GALNT17: variants seen among roughly 807,000 people sequenced by gnomAD.
GALNT17 encodes polypeptide N-acetylgalactosaminyltransferase 17.
GALNT17 carries 29 observed loss-of-function variants against 63.7 expected under a neutral mutation model. The observed-to-expected ratio is 0.46, with a 90% CI of 0.34 to 0.62. The LOEUF is 0.62. GALNT17 is among the 20% of genes least tolerant of loss of function. The probability of loss-of-function intolerance (pLI) is 0.01; values close to 1 mark genes in which losing one functional copy is unlikely to be tolerated. For missense variants in GALNT17, 603 were observed against 799.6 expected, an observed-to-expected ratio of 0.75 and a Z score of 2.97; for synonymous variants, 305 against 318.3, an observed-to-expected ratio of 0.96 and a Z score of 0.45.
chr7:71,439,749 A>G (rs1787032076), intron 5 of GALNT17, among the ~76,000 whole-genome samples: 1 of 152,140 alleles, frequency 6.6e-6, no homozygotes, highest in Non-Finnish European at 1.5e-5. Context: ...CTGGACATAA[A>G]TAGGGAAGCA....
At chr7:71,537,899 G>A (rs1419310276) in intron 5 of GALNT17, among the ~76,000 whole-genome samples, 1 of 152,130 alleles carries the variant, frequency 6.6e-6, no homozygotes, top group Non-Finnish European at 1.5e-5. Flanking sequence ...GGCTGGGTTT[G>A]GGATTATGTG....
At chr7:71,379,081 A>G (rs760218908) in intron 2 of GALNT17, among the ~76,000 whole-genome samples, 2 of 152,198 alleles carry the variant, frequency 1.3e-5, no homozygotes, top group African/African-American at 2.4e-5. Flanking sequence ...GAAGAGTGCC[A>G]TGATGGCAGC....
intron 9 of GALNT17, among the ~76,000 whole-genome samples, chr7:71,682,154 C>T (rs1044097749): frequency 2.6e-5 from 4 of 151,926 alleles, no homozygotes; most frequent in African/African-American, 4.8e-5. Context: ...CTCAAACTCC[C>T]GACCTCAGGT....
At chr7:71,633,243 C>T (rs1790482574) in intron 6 of GALNT17, among the ~76,000 whole-genome samples, 1 of 152,054 alleles carries the variant, frequency 6.6e-6, no homozygotes, top group African/African-American at 2.4e-5. Flanking sequence ...CTCGCCATGT[C>T]CCAGGCACAG....
rs911929157 is a variant in GALNT17, at chr7:71,539,224, G to A, written c.963-32061G>A. On this transcript the variant is annotated intron_variant, in intron 5 of 10. Coordinates refer to ENST00000333538, the MANE Select transcript of GALNT17 (RefSeq NM_022479.3). ...TGGCATTACAGGCATGAGCCACACC[G>A]TGCCCAGCCTCAGGATACTCATTGG... Among the ~76,000 whole-genome samples, 9 of 152,224 alleles carry A rather than the reference G, an allele frequency of 5.9e-5. No homozygotes were observed. The South Asian group carries it at 1.9e-3, about 32-fold the overall frequency.
At chr7:71,656,932 C>T (rs914192149) in intron 6 of GALNT17, among the ~76,000 whole-genome samples, 1 of 152,290 alleles carries the variant, frequency 6.6e-6, no homozygotes, top group South Asian at 2.1e-4. Flanking sequence ...GAGCTGCCCC[C>T]TGTTAGTGCC....
intron 5 of GALNT17, among the ~76,000 whole-genome samples, chr7:71,477,975 T>A (rs1156708518): frequency 6.6e-6 from 1 of 152,226 alleles, no homozygotes; most frequent in Non-Finnish European, 1.5e-5. Context: ...TTGTTAAGAA[T>A]CTTATTGATA....
In GALNT17 at chr7:71,223,698, C is replaced by T. The variant is rs541703113; in HGVS notation, c.238+90658C>T. Among the ~76,000 whole-genome samples the T allele has an allele frequency of 3.9e-5, 6 of 152,254 alleles. 1 individual carries two copies. The South Asian group carries it at 8.3e-4, about 21-fold the overall frequency. ...CAATAGTTACCTTGTCTGCTCCTCT[C>T]CTTCCTCCCACCCTCCACCCTCCAT... On this transcript the variant is annotated intron_variant, in intron 1 of 10. Transcript: ENST00000333538.
intron 5 of GALNT17, among the ~76,000 whole-genome samples, chr7:71,435,470 G>T (rs1263817777): frequency 6.6e-6 from 1 of 152,184 alleles, no homozygotes; most frequent in African/African-American, 2.4e-5. Flanking sequence ...GAGTCATGCA[G>T]CTGGAGGCTA....
chr7:71,521,440 A>T (rs150577481), intron 5 of GALNT17, among the ~76,000 whole-genome samples: 1,560 of 152,184 alleles, frequency 0.01, 24 homozygotes, highest in Middle Eastern at 0.021. Flanking sequence ...ACTACAAAAG[A>T]TTTGCAGAAC....
At chr7:71,681,554 C>A (rs1360820091) in intron 9 of GALNT17, among the ~76,000 whole-genome samples, 1 of 152,160 alleles carries the variant, frequency 6.6e-6, no homozygotes, top group African/African-American at 2.4e-5. Context: ...CTGGCCCAGG[C>A]AGCAAGATCC....
rs1189294414 is a variant in GALNT17, at chr7:71,575,390, T to TG, written c.1080+3989dup. ...TTTTAACATGAGAACACTATTTTCT[T>TG]GATTTTTTTTTTTTTTTGAGACAGA... On this transcript the variant is annotated intron_variant, in intron 6 of 10. Coordinates refer to ENST00000333538, the MANE Select transcript of GALNT17 (RefSeq NM_022479.3). 5.1e-3 allele frequency among the ~76,000 whole-genome samples: 318 copies of TG among 62,158 alleles called. 1 individual carries two copies. Among genetic ancestry groups the TG allele is most frequent in the African/African-American group, 0.02 (291 of 14,298 alleles). The allele number at this position is 62,158 out of a possible 152,430, so 40.8% of individuals were successfully genotyped here.
At chr7:71,580,244 C>G (rs1789612214) in intron 6 of GALNT17, among the ~76,000 whole-genome samples, 1 of 151,424 alleles carries the variant, frequency 6.6e-6, no homozygotes, top group African/African-American at 2.4e-5. Context: ...ATTATATAGA[C>G]AGATAAATAG....
intron 1 of GALNT17, among the ~76,000 whole-genome samples, chr7:71,243,186 C>T (rs981161491): frequency 6.6e-6 from 1 of 152,168 alleles, no homozygotes; most frequent in Non-Finnish European, 1.5e-5. Context: ...TCTTTCTTGT[C>T]CTCTCTTGCT....
At position 71,613,964 on chromosome 7, in the gene GALNT17, A is replaced by G. The variant is rs145887878; in HGVS notation, c.1080+42562A>G. Among the ~76,000 whole-genome samples, 448 of 152,092 alleles carry G rather than the reference A, an allele frequency of 2.9e-3. 6 individuals carry two copies. The highest frequency in any genetic ancestry group is 0.011 in the East Asian group (58 of 5,160). The stretch of plus-strand genomic sequence containing the variant: ...GAGACCCTGTCTCTTTAAAACAAAC[A>G]CACAAAAAACTCATAACATGGAGAG... On this transcript the variant is annotated intron_variant, in intron 6 of 10. Coordinates refer to ENST00000333538, the MANE Select transcript of GALNT17 (RefSeq NM_022479.3).
At chr7:71,687,469 A>G (rs902965086) in intron 9 of GALNT17, among the ~76,000 whole-genome samples, 2 of 152,186 alleles carry the variant, frequency 1.3e-5, no homozygotes, top group Non-Finnish European at 2.9e-5. Context: ...TCCAGATGCT[A>G]TCATGTAAGT....
At chr7:71,137,858 G>A (rs192315483) in intron 1 of GALNT17, among the ~76,000 whole-genome samples, 14 of 152,254 alleles carry the variant, frequency 9.2e-5, no homozygotes, top group Admixed American at 8.5e-4. Flanking sequence ...CAGAGATTAG[G>A]GATGCCAACA....
intron 6 of GALNT17, among the ~76,000 whole-genome samples, chr7:71,656,600 G>A (rs970374713): frequency 2.0e-5 from 3 of 152,130 alleles, no homozygotes; most frequent in South Asian, 2.1e-4. Context: ...AGTTGGATTC[G>A]GAAGTGGTGG....
At chr7:71,547,522 G>A (rs1789006217) in intron 5 of GALNT17, among the ~76,000 whole-genome samples, 1 of 151,972 alleles carries the variant, frequency 6.6e-6, no homozygotes, top group African/African-American at 2.4e-5. Context: ...CCTGAGCTCA[G>A]GTGATCTGCC....
Sources: gnomAD v4.1 joint callset for allele counts (sites outside exome capture counted in the v4.1 genomes callset) on GRCh38, gnomAD v4.1.1 for gene constraint, MANE v1.5 for transcripts, NCBI Gene and HGNC (gene_info 2026-07-23, HGNC 2026-07-21) for gene names.